Variants in PLIN2 observed in about 807,000 individuals in gnomAD.
PLIN2 encodes the protein perilipin 2.
A neutral mutation model predicts 30.6 loss-of-function variants in PLIN2; 33 were observed. The observed-to-expected ratio is 1.08, with a 90% CI of 0.82 to 1.44. PLIN2 has a LOEUF of 1.44. Ranked by LOEUF, PLIN2 falls within the 40% of genes most tolerant of loss-of-function variation. PLIN2 has a pLI of 0.00. For synonymous variants in PLIN2, 205 were observed against 201.1 expected (o/e 1.02, Z -0.16); for missense variants, 610 against 531.8 (o/e 1.15, Z -1.45).
chr9:19,119,614 C>G (rs966857586), intron 6 of PLIN2, 36 bp downstream of exon 6: 18 of 1,282,234 alleles, frequency 1.4e-5, no homozygotes, highest in Non-Finnish European at 1.7e-5. Flanking sequence ...GATAAATGAA[C>G]CCACTTCAGA....
At chr9:19,114,595 G>C (rs1034766260), downstream of PLIN2, among the ~76,000 whole-genome samples, 7 of 151,990 alleles carry the variant, frequency 4.6e-5, no homozygotes, top group African/African-American at 1.7e-4. Context: ...GTAGAGAAAG[G>C]GTTTCACGTT....
At chr9:19,109,756 G>A (rs554362457) in intron 2 of PLIN2, among the ~76,000 whole-genome samples, 24 of 151,880 alleles carry the variant, frequency 1.6e-4, no homozygotes, top group Admixed American at 1.6e-3. Flanking sequence ...AGGAGTTCGA[G>A]ACCAGCCTGG....
chr9:19,120,021 C>T (rs143087106), intron 5 of PLIN2, among the ~76,000 whole-genome samples, 190 bp from the exon 6 acceptor site: 5 of 151,828 alleles, frequency 3.3e-5, no homozygotes, highest in African/African-American at 4.8e-5. Context: ...GTATCTGATA[C>T]ACACTGCATG....
downstream of PLIN2, among the ~76,000 whole-genome samples, chr9:19,115,385 G>A (rs1437333074): frequency 6.7e-6 from 1 of 149,022 alleles, no homozygotes; most frequent in Non-Finnish European, 1.5e-5. Flanking sequence ...TCGGCTCACT[G>A]CAAGCTCTGC....
intron 3 of PLIN2, among the ~76,000 whole-genome samples, chr9:19,125,184 C>T (rs1034128089): frequency 5.3e-5 from 8 of 152,158 alleles, no homozygotes; most frequent in Non-Finnish European, 1.0e-4. Flanking sequence ...CCATTTCAAC[C>T]ATTTTTAACT....
intron 2 of PLIN2, among the ~76,000 whole-genome samples, chr9:19,109,382 GTC>G (rs893306835): frequency 6.6e-6 from 1 of 151,108 alleles, no homozygotes; most frequent in African/African-American, 2.4e-5. Flanking sequence ...GTGGAACGCT[GTC>G]TCTACTAAAA....
rs202143072 is a variant in PLIN2 at position 19,126,287 on chromosome 9, T to G, written c.53A>C (p.Asn18Thr). The stretch of plus-strand genomic sequence containing the variant: ...ATACGTGGAGCTCACCAAGGGCAGG[T>G]TGACCACCCGAGTCACCACACTCTG... ...PQPSVVTRVV[N>T]LPLVSSTYDL... The change falls in exon 3 of 8, where the codon AAC becomes ACC. Residue 18 changes from asparagine to threonine, a missense_variant. Coordinates refer to ENST00000276914, the MANE Select transcript of PLIN2 (RefSeq NM_001122.4). 3 of 1,614,036 alleles carry G rather than the reference T, an allele frequency of 1.9e-6. No individual in the cohort carries two copies. The highest frequency in any genetic ancestry group is 2.2e-5 in the South Asian group (2 of 91,078).
chr9:19,119,080 C>G (rs562707520), intron 6 of PLIN2, among the ~76,000 whole-genome samples: 2 of 152,326 alleles, frequency 1.3e-5, no homozygotes, highest in South Asian at 4.1e-4. Context: ...TCCCTGTTGC[C>G]AACCACTATT....
At chr9:19,109,621 G>GA (rs1398025304) in intron 2 of PLIN2, among the ~76,000 whole-genome samples, 1 of 151,310 alleles carries the variant, frequency 6.6e-6, no homozygotes, top group East Asian at 2.0e-4. Flanking sequence ...GATAGTGGAG[G>GA]AAAAAATGTA....
At chr9:19,122,271 C>A (rs145335199) in intron 4 of PLIN2, among the ~76,000 whole-genome samples, 1 of 152,112 alleles carries the variant, frequency 6.6e-6, no homozygotes, top group African/African-American at 2.4e-5. Flanking sequence ...CTAAACCTAC[C>A]TATAGTTGTG....
intron 4 of PLIN2, among the ~76,000 whole-genome samples, chr9:19,122,802 T>A (rs955206485): frequency 6.6e-6 from 1 of 152,106 alleles, no homozygotes; most frequent in Non-Finnish European, 1.5e-5. Flanking sequence ...ATGATAAATA[T>A]AGTGCACTTG....
chr9:19,116,454 G>C lies in PLIN2; in HGVS notation c.1108C>G (p.Leu370Val), dbSNP rs1588642148. 6.2e-7 allele frequency: 1 copy of C among 1,614,140 alleles called. No homozygotes were observed. The highest frequency in any genetic ancestry group is 8.5e-7 in the Non-Finnish European group (1 of 1,179,984). The change falls in exon 8 of 8, where the codon CTC (leucine) becomes GTC (valine). Residue 370 changes from leucine (L) to valine (V), a missense_variant. Transcript: ENST00000276914. ...AASFKEVSDS[L>V]LTSSKGQLQK... ...AGCTGCCCCTTGCTAGAAGTGAGGA[G>C]GCTGTCAGACACTTCTTTAAAGGAG...
chr9:19,117,866 C>T (rs1818254370), intron 7 of PLIN2, among the ~76,000 whole-genome samples: 1 of 152,180 alleles, frequency 6.6e-6, no homozygotes, highest in Non-Finnish European at 1.5e-5. Flanking sequence ...ATCTACCCGC[C>T]TCGGCCTCCC....
downstream of PLIN2, among the ~76,000 whole-genome samples, chr9:19,111,110 TG>T (rs1809949215): frequency 6.6e-6 from 1 of 151,810 alleles, no homozygotes; most frequent in Admixed American, 6.6e-5. Context: ...CAAGCTGGAG[TG>T]CAGTGATGCC....
downstream of PLIN2, among the ~76,000 whole-genome samples, chr9:19,110,948 A>C (rs1588639300): frequency 6.6e-6 from 1 of 152,334 alleles, no homozygotes; most frequent in East Asian, 1.9e-4. Context: ...CAGTTTAAGC[A>C]AGAAAAACAT....
Position 19,127,268 on chromosome 9 carries a change from C to G in PLIN2, c.-23+151G>C, listed in dbSNP as rs375834564. ...GGAAGCCGCGAGGCGAGCGGGGGGTCTCGGACCATCACCCCCGCGTCCCGT... is the reference window on the plus strand; with the variant it reads ...GGAAGCCGCGAGGCGAGCGGGGGGTGTCGGACCATCACCCCCGCGTCCCGT... On this transcript the variant is annotated intron_variant, in intron 1 of 7. Transcript: ENST00000276914. This position sits in a 1 kb window ranked among gnomAD's most constrained non-coding sequence, Gnocchi z 4.3. 7.3e-3 allele frequency among the ~76,000 whole-genome samples: 1,116 copies of G among 152,114 alleles called. 13 individuals are homozygous for G. Among genetic ancestry groups the G allele is most frequent in the African/African-American group, 0.025 (1,058 of 41,498 alleles).
chr9:19,115,409 G>A (rs897898830), downstream of PLIN2, among the ~76,000 whole-genome samples: 5 of 151,170 alleles, frequency 3.3e-5, no homozygotes, highest in South Asian at 2.1e-4. Flanking sequence ...CCGGGTTCAC[G>A]CCATTCTCCT....
rs1301882099 is a variant in PLIN2, at chr9:19,121,212, C to G, written c.310-47G>C. On this transcript the variant is annotated intron_variant, in intron 4 of 7. Transcript: ENST00000276914. ...CCCTGGCTGGTGAGAAAAATGAGCA[C>G]AAGGACATACCTAAGGTCTTAACTA... The G allele has an allele frequency of 3.2e-6, 5 of 1,550,506 alleles. No individual in the cohort carries two copies. The Middle Eastern group carries it at 6.8e-4, about 210-fold the overall frequency.
chr9:19,115,744 A>G (rs1818211373), downstream of PLIN2: 1 of 153,130 alleles, frequency 6.5e-6, no homozygotes, highest in African/African-American at 2.4e-5. Flanking sequence ...CACAAAGCAT[A>G]TGGAACAAAC....
Sources: allele counts gnomAD v4.1 joint callset (sites outside exome capture counted in the v4.1 genomes callset), GRCh38; gene constraint gnomAD v4.1.1; non-coding constraint Gnocchi (gnomAD v3.1); transcripts MANE v1.5; gene names NCBI Gene and HGNC (gene_info 2026-07-23, HGNC 2026-07-21).